PTGER3: variants seen among roughly 807,000 people sequenced by gnomAD.
PTGER3 encodes the protein prostaglandin E receptor 3, also known as prostaglandin E2 receptor EP3 subtype.
Under a neutral mutation model 34.7 loss-of-function variants are expected in PTGER3, and 22 were observed. That is an observed-to-expected ratio of 0.63 (90% confidence interval 0.45 to 0.91). PTGER3 has a LOEUF of 0.91. Among genes scored for constraint, PTGER3 ranks in the 40% least tolerant of loss-of-function variants. The probability of loss-of-function intolerance (pLI) is 0.00; values close to 1 mark genes in which losing one functional copy is unlikely to be tolerated. For synonymous variants in PTGER3, 241 were observed against 230.1 expected (o/e 1.05, Z -0.43); for missense variants, 468 against 519.4 (o/e 0.90, Z 0.96).
At chr1:70,962,136 C>T (rs1369044523) in intron 2 of PTGER3, among the ~76,000 whole-genome samples, 1 of 152,166 alleles carries the variant, frequency 6.6e-6, no homozygotes, top group Non-Finnish European at 1.5e-5. Flanking sequence ...TATACAACTG[C>T]CTAGTATCAG....
chr1:70,990,089 C>G (rs1655291677), intron 2 of PTGER3, among the ~76,000 whole-genome samples: 1 of 151,746 alleles, frequency 6.6e-6, no homozygotes, highest in African/African-American at 2.4e-5. Flanking sequence ...TGTGGTGGCT[C>G]ACGGCTGTAA....
At chr1:70,999,032 T>A (rs1339909359) in intron 2 of PTGER3, among the ~76,000 whole-genome samples, 2 of 152,088 alleles carry the variant, frequency 1.3e-5, no homozygotes, top group African/African-American at 4.8e-5. Context: ...AACAAAAAAT[T>A]AGCCGGGCGT....
At chr1:70,996,939 G>A (rs1414833179) in intron 2 of PTGER3, among the ~76,000 whole-genome samples, 1 of 152,272 alleles carries the variant, frequency 6.6e-6, no homozygotes, top group African/African-American at 2.4e-5. Flanking sequence ...TGGGATTGCA[G>A]GCATGAGCCA....
chr1:70,891,031 C>A (rs7547606), intron 4 of PTGER3, among the ~76,000 whole-genome samples: 1 of 152,298 alleles, frequency 6.6e-6, no homozygotes, highest in South Asian at 2.1e-4. Context: ...ACTCAACGTG[C>A]AAAACTCAGC....
chr1:71,022,993 G>A (rs1421209809), intron 1 of PTGER3, among the ~76,000 whole-genome samples: 3 of 151,772 alleles, frequency 2.0e-5, no homozygotes, highest in Admixed American at 6.6e-5. Context: ...CAGTTTCCCA[G>A]TCACATTTTA....
At chr1:71,007,803 A>G (rs767230166) in intron 2 of PTGER3, 26 of 984,966 alleles carry the variant, frequency 2.6e-5, no homozygotes, top group Non-Finnish European at 3.0e-5. Context: ...ACTTTAATTA[A>G]AGGATCAAAA....
At chr1:70,854,843 T>G (rs995558226) in intron 4 of PTGER3, among the ~76,000 whole-genome samples, 1 of 152,106 alleles carries the variant, frequency 6.6e-6, no homozygotes, top group African/African-American at 2.4e-5. Context: ...GGTATTGGAA[T>G]GTGGAGAAAT....
intron 2 of PTGER3, among the ~76,000 whole-genome samples, chr1:70,981,403 C>G (rs1654346562): frequency 1.0e-5 from 1 of 96,010 alleles, no homozygotes; most frequent in Non-Finnish European, 2.1e-5. Flanking sequence ...TTCCTTCCTT[C>G]CTTCCTTCCT....
intron 4 of PTGER3, among the ~76,000 whole-genome samples, chr1:70,892,837 C>CAAAAAAAAAAAAAAAA (rs1176220550): frequency 2.1e-5 from 1 of 47,914 alleles, no homozygotes; most frequent in Non-Finnish European, 5.4e-5. Context: ...CAAGACTCCT[C>CAAAAAAAAAAAAAAAA]AAAAAAAAAA....
rs1200565027 is a variant in PTGER3 at position 70,971,528 on chromosome 1, C to T, written c.*202G>A. ...CATATTCAAAATCCCATCCAAGAAA[C>T]CAATCTAATATTCAGAGGCATGGAT... On this transcript the variant is annotated 3_prime_UTR_variant, in exon 4 of 4. Transcript: ENST00000306666. 1 of 1,223,048 alleles carries T rather than the reference C, an allele frequency of 8.2e-7. No individual in the cohort carries two copies. The highest frequency in any genetic ancestry group is 1.0e-6 in the Non-Finnish European group (1 of 974,708). The allele number at this position is 1,223,048 out of a possible 1,614,324, so 75.8% of individuals were successfully genotyped here. A position where few individuals can be genotyped will look rare whatever the true frequency, so the allele number is the denominator to read the frequency against.
At chr1:71,014,377 C>T (rs1657708085) in intron 1 of PTGER3, among the ~76,000 whole-genome samples, 1 of 152,184 alleles carries the variant, frequency 6.6e-6, no homozygotes, top group Non-Finnish European at 1.5e-5. Context: ...ATGCCTTTTG[C>T]TCTTGCTTCA....
intron 4 of PTGER3, among the ~76,000 whole-genome samples, chr1:70,867,689 C>T (rs1035745130): frequency 1.6e-4 from 24 of 152,058 alleles, no homozygotes; most frequent in African/African-American, 5.8e-4. Context: ...GGTGCCATTG[C>T]ACTCCAGCCT....
intron 2 of PTGER3, chr1:71,010,179 G>A: frequency 2.0e-6 from 2 of 984,708 alleles, no homozygotes; most frequent in Non-Finnish European, 2.4e-6. Flanking sequence ...TGATATTCTT[G>A]TGATAGTAAT....
intron 2 of PTGER3, chr1:71,007,403 A>C: frequency 1.0e-6 from 1 of 985,760 alleles, no homozygotes. Context: ...AGAGTTCAGC[A>C]GTCAATAATG....
intron 4 of PTGER3, among the ~76,000 whole-genome samples, chr1:70,915,411 A>T (rs1039217873): frequency 1.3e-5 from 2 of 152,072 alleles, no homozygotes; most frequent in Non-Finnish European, 1.5e-5. Context: ...CTTAAAAAAG[A>T]TCATGAAAAT....
chr1:71,013,377 T>C (rs1488676951), intron 1 of PTGER3, among the ~76,000 whole-genome samples: 1 of 152,240 alleles, frequency 6.6e-6, no homozygotes, highest in African/African-American at 2.4e-5. Context: ...TATGTATTTA[T>C]ATTTGAATTA....
chr1:70,882,878 G>T (rs181680097), intron 4 of PTGER3, among the ~76,000 whole-genome samples: 1 of 152,266 alleles, frequency 6.6e-6, no homozygotes, highest in East Asian at 1.9e-4. Flanking sequence ...TCCCAATGTG[G>T]TTTCTCAGAT....
At chr1:70,913,775 G>C (rs577209397) in intron 4 of PTGER3, among the ~76,000 whole-genome samples, 4 of 151,658 alleles carry the variant, frequency 2.6e-5, no homozygotes. Flanking sequence ...ATATGATGAA[G>C]TACCTTGATT....
rs116830373 is a variant in PTGER3 at position 70,877,058 on chromosome 1, T to G, written c.*24-24199A>C. 3.8e-3 allele frequency among the ~76,000 whole-genome samples: 576 copies of G among 152,342 alleles called. 6 individuals carry two copies. The highest frequency in any genetic ancestry group is 0.013 in the African/African-American group (549 of 41,586). The stretch of plus-strand genomic sequence containing the variant: ...AATTGCTTTGGGAAGTGTGGTCATT[T>G]TAACAATATTGATTCTCCCTATCCA... On this transcript the variant is annotated intron_variant, in intron 4 of 4. Coordinates refer to the PTGER3 transcript ENST00000370931.
Sources: allele counts gnomAD v4.1 joint callset (sites outside exome capture counted in the v4.1 genomes callset), GRCh38; gene constraint gnomAD v4.1.1; transcripts MANE v1.5; gene names NCBI Gene and HGNC (gene_info 2026-07-23, HGNC 2026-07-21).